The following GRIN2B variants were observed in gnomAD, a reference collection of about 807,000 sequenced individuals.
GRIN2B encodes the protein glutamate receptor ionotropic, NMDA 2B.
GRIN2B carries 5 observed loss-of-function variants against 114.5 expected under a neutral mutation model. That is an observed-to-expected ratio of 0.04 (90% confidence interval 0.02 to 0.09). The LOEUF is 0.09. Ranked by LOEUF, GRIN2B falls within the 10% of genes least tolerant of loss-of-function variation. The pLI is 1.00. For missense variants in GRIN2B, 1,108 were observed against 1,943.5 expected, an observed-to-expected ratio of 0.57 and a Z score of 8.08; for synonymous variants, 787 against 745.1, an observed-to-expected ratio of 1.06 and a Z score of -0.92.
At chr12:13,632,730 T>A (rs938204531) in intron 5 of GRIN2B, among the ~76,000 whole-genome samples, 1 of 152,012 alleles carries the variant, frequency 6.6e-6, no homozygotes, top group Non-Finnish European at 1.5e-5. Context: ...GTAGACAAGG[T>A]GGGATTCCAC....
chr12:13,658,213 A>T (rs1435944554), intron 5 of GRIN2B, among the ~76,000 whole-genome samples: 1 of 152,022 alleles, frequency 6.6e-6, no homozygotes, highest in Non-Finnish European at 1.5e-5. Flanking sequence ...ATCTAAAAAA[A>T]AAAAAAGCTA....
chr12:13,741,221 A>G (rs757926456), intron 4 of GRIN2B, among the ~76,000 whole-genome samples: 18 of 152,024 alleles, frequency 1.2e-4, no homozygotes, highest in Non-Finnish European at 2.6e-4. Context: ...TAGTAGAGAC[A>G]GGGTTTCACT....
intron 2 of GRIN2B, among the ~76,000 whole-genome samples, chr12:13,881,573 TC>T (rs1188898186): frequency 6.6e-6 from 1 of 152,224 alleles, no homozygotes. Flanking sequence ...GGTTGACCCA[TC>T]TAAAACATTT....
chr12:13,882,207 AT>A (rs1449212248), intron 2 of GRIN2B, among the ~76,000 whole-genome samples: 3 of 152,180 alleles, frequency 2.0e-5, no homozygotes, highest in African/African-American at 7.2e-5. Context: ...CTGACCTAGA[AT>A]GCTCTTGAAG....
At chr12:13,980,617 A>G (rs1863114464) in intron 1 of GRIN2B, among the ~76,000 whole-genome samples, 1 of 151,136 alleles carries the variant, frequency 6.6e-6, no homozygotes, top group Non-Finnish European at 1.5e-5. Flanking sequence ...GGAGAGAGGG[A>G]GGGAGCGAGC....
At chr12:13,790,417 C>T (rs1373375638) in intron 3 of GRIN2B, among the ~76,000 whole-genome samples, 1 of 152,204 alleles carries the variant, frequency 6.6e-6, no homozygotes, top group African/African-American at 2.4e-5. Flanking sequence ...TGTGTAGACA[C>T]ATTTAATAGA....
Position 13,559,725 on chromosome 12 carries a change from G to T in GRIN2B, c.*3058C>A, listed in dbSNP as rs1374029624. On this transcript the variant is annotated 3_prime_UTR_variant, in exon 14 of 14. Coordinates refer to ENST00000609686, the MANE Select transcript of GRIN2B (RefSeq NM_000834.5). ...GATATCACATGCTTCAAAAAGTAGA[G>T]TTAGTGGAGATTTTTCCACGTGTGT... is the stretch of plus-strand genomic sequence containing the variant. 6.6e-6 allele frequency: 1 copy of T among 152,232 alleles called. No homozygotes were observed. Among genetic ancestry groups the T allele is most frequent in the Non-Finnish European group, 1.5e-5 (1 of 68,052 alleles). The allele number at this position is 152,232 out of a possible 1,614,324, so 9.4% of individuals were successfully genotyped here. A position where few individuals can be genotyped will look rare whatever the true frequency, so the allele number is the denominator to read the frequency against.
intron 10 of GRIN2B, among the ~76,000 whole-genome samples, chr12:13,573,817 G>A (rs950150279): frequency 6.6e-6 from 1 of 152,128 alleles, no homozygotes; most frequent in African/African-American, 2.4e-5. Flanking sequence ...TCAGCACCAG[G>A]AGCCATAAAT....
intron 3 of GRIN2B, among the ~76,000 whole-genome samples, chr12:13,800,263 A>G (rs1373175736): frequency 1.3e-5 from 2 of 152,122 alleles, no homozygotes; most frequent in African/African-American, 2.4e-5. Flanking sequence ...AAGTTTGGGC[A>G]TAGTGTTTCT....
intron 3 of GRIN2B, among the ~76,000 whole-genome samples, chr12:13,863,323 G>T (rs917945287): frequency 2.0e-5 from 3 of 152,180 alleles, no homozygotes; most frequent in African/African-American, 7.2e-5. Context: ...TCATGTAATA[G>T]ATCACTTTCA....
intron 4 of GRIN2B, among the ~76,000 whole-genome samples, chr12:13,740,993 C>T (rs1863274264): frequency 6.6e-6 from 1 of 152,112 alleles, no homozygotes; most frequent in Non-Finnish European, 1.5e-5. Flanking sequence ...ATGGTCTAGT[C>T]TTTAGGGCAA....
At chr12:13,822,552 G>GTA (rs1201579683) in intron 3 of GRIN2B, among the ~76,000 whole-genome samples, 2 of 152,008 alleles carry the variant, frequency 1.3e-5, no homozygotes, top group Admixed American at 1.3e-4. Context: ...GAAGGTAGGG[G>GTA]GTAATACTAA....
intron 4 of GRIN2B, among the ~76,000 whole-genome samples, chr12:13,690,285 C>CCACACACACACACA (rs72073823): frequency 2.9e-4 from 42 of 144,778 alleles, no homozygotes; most frequent in Non-Finnish European, 4.1e-4. Flanking sequence ...CTATGTCACA[C>CCACACACACACACA]CACACACACA....
chr12:13,860,792 G>T (rs1381727509), intron 3 of GRIN2B, among the ~76,000 whole-genome samples: 1 of 152,114 alleles, frequency 6.6e-6, no homozygotes, highest in Non-Finnish European at 1.5e-5. Context: ...CCTTTACTCA[G>T]CATACCCTTT....
chr12:13,865,736 A>G (rs966286583), intron 3 of GRIN2B, 62 bp downstream of exon 3: 9 of 1,355,546 alleles, frequency 6.6e-6, no homozygotes, highest in Non-Finnish European at 9.5e-6. Flanking sequence ...ACAGGAAAAC[A>G]AATGCATGGT....
At chr12:13,872,683 G>A (rs1032829088) in intron 2 of GRIN2B, among the ~76,000 whole-genome samples, 3 of 152,130 alleles carry the variant, frequency 2.0e-5, no homozygotes, top group Non-Finnish European at 4.4e-5. Flanking sequence ...TGATAGAAAT[G>A]TTAAATTGTG....
intron 2 of GRIN2B, among the ~76,000 whole-genome samples, chr12:13,927,966 CAAAAA>C (rs57736516): frequency 2.7e-5 from 1 of 37,594 alleles, no homozygotes; most frequent in Non-Finnish European, 4.7e-5. Context: ...GACCCTGTCT[CAAAAA>C]AAAAAAAAAA....
chr12:13,609,306 TC>T (rs949716193), intron 9 of GRIN2B, among the ~76,000 whole-genome samples: 86 of 152,374 alleles, frequency 5.6e-4, no homozygotes, highest in African/African-American at 2.0e-3. Flanking sequence ...TTTCTGCCAT[TC>T]ATAAACCCTC....
In GRIN2B at chr12:13,564,587, A is replaced by C; in HGVS notation, c.2651T>G (p.Met884Arg). 1 of 1,614,026 alleles carries C rather than the reference A, an allele frequency of 6.2e-7. No homozygotes were observed. Among genetic ancestry groups the C allele is most frequent in the Non-Finnish European group, 8.5e-7 (1 of 1,179,998 alleles). Residue 884 changes from methionine to arginine, a missense_variant, in exon 14 of 14, where the codon ATG becomes AGG. By Grantham distance (91) the Met-to-Arg change is moderately conservative. This residue lies in a region of GRIN2B where 27 missense variants were observed against 51.7 expected (regional missense o/e 0.52). Coordinates refer to ENST00000609686, the MANE Select transcript of GRIN2B (RefSeq NM_000834.5). This position sits in a 1 kb window ranked among gnomAD's most constrained non-coding sequence, Gnocchi z 4.8. ...GVAIEERQSV[M>R]NSPTATMNNT... ...GTTCATGGTTGCGGTGGGGGAGTTC[A>C]TTACAGACTGGCGCTCCTCGATCGC...
Sources: gnomAD v4.1 joint callset for allele counts (sites outside exome capture counted in the v4.1 genomes callset) on GRCh38, gnomAD v4.1.1 for gene constraint, gnomAD v4.1.1 regional missense constraint, Gnocchi (gnomAD v3.1) non-coding constraint, MANE v1.5 for transcripts, NCBI Gene and HGNC (gene_info 2026-07-23, HGNC 2026-07-21) for gene names.